ZNF566: variants seen among roughly 807,000 people sequenced by gnomAD.
ZNF566 encodes zinc finger protein 566.
ZNF566 carries 27 observed loss-of-function variants against 32.8 expected under a neutral mutation model. That is an observed-to-expected ratio of 0.82 (90% CI 0.61 to 1.14). The LOEUF is 1.14. Ranked by LOEUF, ZNF566 falls within the 50% of genes most tolerant of loss-of-function variation. The probability of loss-of-function intolerance (pLI) is 0.00; values close to 1 mark genes in which losing one functional copy is unlikely to be tolerated. For missense variants in ZNF566, 402 were observed against 490.4 expected (o/e 0.82, Z 1.70); for synonymous variants, 154 against 159.5 (o/e 0.97, Z 0.26).
At chr19:36,469,800 T>C (rs1020870911) in intron 4 of ZNF566, among the ~76,000 whole-genome samples, 2 of 152,162 alleles carry the variant, frequency 1.3e-5, no homozygotes, top group African/African-American at 4.8e-5. Flanking sequence ...AAAATCTATA[T>C]GCGTAAAGTG....
chr19:36,476,693 G>T, intron 1 of ZNF566, 77 bp from the exon 2 acceptor site: 1 of 1,231,038 alleles, frequency 8.1e-7, no homozygotes, highest in Non-Finnish European at 1.1e-6. Context: ...TTTTCCTTCT[G>T]TTCATGCTTC....
chr19:36,448,903 AATT>A lies in ZNF566; in HGVS notation c.*71_*73del. 8.1e-7 allele frequency: 1 copy of A among 1,230,526 alleles called. No individual in the cohort carries two copies. The highest frequency in any genetic ancestry group is 1.1e-6 in the Non-Finnish European group (1 of 895,608). 76.2% of individuals were successfully genotyped at this position (1,230,526 alleles called of 1,614,324 possible). On this transcript the variant is annotated 3_prime_UTR_variant, in exon 5 of 5. Coordinates refer to ENST00000452939, the MANE Select transcript of ZNF566 (RefSeq NM_001145344.1). ...GTTTCTACATTATTCTATCTAGAGG[AATT>A]ATTAACAAGATAAATTCTGTTTTGA...
At chr19:36,487,897 CAAAAA>C (rs201784748) in intron 1 of ZNF566, among the ~76,000 whole-genome samples, 1 of 75,526 alleles carries the variant, frequency 1.3e-5, no homozygotes, top group Non-Finnish European at 2.5e-5. Flanking sequence ...GACTCTGTCT[CAAAAA>C]AAAAAAAAAA....
At chr19:36,489,433 G>A (rs1241936000) in intron 1 of ZNF566, 53 bp downstream of exon 1, 3 of 299,156 alleles carry the variant, frequency 1.0e-5, no homozygotes, top group East Asian at 9.9e-5. Flanking sequence ...GCACAAAGCC[G>A]AGGCTTGGCC....
At chr19:36,476,443 G>A (rs951064083) in intron 2 of ZNF566, 106 bp downstream of exon 2, 2 of 918,332 alleles carry the variant, frequency 2.2e-6, no homozygotes, top group African/African-American at 4.4e-5. Flanking sequence ...TTTTTGAAAG[G>A]TGTTGTTTTT....
intron 1 of ZNF566, among the ~76,000 whole-genome samples, chr19:36,476,848 T>C (rs902039797): frequency 6.6e-6 from 1 of 152,156 alleles, no homozygotes; most frequent in Non-Finnish European, 1.5e-5. Context: ...TACACACACA[T>C]ACATACATAT....
At chr19:36,463,149 T>C (rs1289856083) in intron 4 of ZNF566, among the ~76,000 whole-genome samples, 2 of 150,488 alleles carry the variant, frequency 1.3e-5, no homozygotes, top group Non-Finnish European at 3.0e-5. Flanking sequence ...ACCAAAATTT[T>C]AAAAATTAGC....
At chr19:36,463,446 T>C (rs1568518413) in intron 4 of ZNF566, among the ~76,000 whole-genome samples, 1 of 150,934 alleles carries the variant, frequency 6.6e-6, no homozygotes, top group African/African-American at 2.4e-5. Flanking sequence ...CCTAAATAAA[T>C]GGAGAAAAGT....
At chr19:36,460,813 T>C (rs1479571819) in intron 4 of ZNF566, among the ~76,000 whole-genome samples, 3 of 151,952 alleles carry the variant, frequency 2.0e-5, no homozygotes, top group Non-Finnish European at 4.4e-5. Context: ...GAAAGAACTG[T>C]AAAAAAATAT....
chr19:36,455,488 T>C (rs2033277693), intron 4 of ZNF566, among the ~76,000 whole-genome samples: 1 of 152,210 alleles, frequency 6.6e-6, no homozygotes, highest in African/African-American at 2.4e-5. Context: ...CCACCTGTAA[T>C]TCCCGCACTT....
At position 36,449,873 on chromosome 19, in the gene ZNF566, C is replaced by A; in HGVS notation, c.361G>T (p.Asp121Tyr). The change falls in exon 5 of 5, where the codon GAT becomes TAT. Residue 121 changes from aspartate to tyrosine, a missense_variant. Physicochemically the swap from Asp to Tyr is radical, Grantham distance 160. Around this residue, in one of 3 missense-constraint regions of ZNF566, gnomAD observed 220 missense variants for 241.9 expected, o/e 0.91. Coordinates refer to ENST00000452939, the MANE Select transcript of ZNF566 (RefSeq NM_001145344.1). ...TTAAACTGCCGATTACATTCCCAAT[C>A]ATCTCTGAAACTGGAGCACTGAAAA... ...RDFQCSSFRD[D>Y]WECNRQFKKE... 1 of 1,614,138 alleles carries A rather than the reference C, an allele frequency of 6.2e-7. No individual in the cohort carries two copies.
In ZNF566 at chr19:36,448,817, T is replaced by C. The variant is rs145549196; in HGVS notation, c.*160A>G. ...GGGCTTCCAAAGTATATTCTATTCATAGAGTATTTCTCCAACATTATTTTT... is the reference window on the plus strand; with the variant it reads ...GGGCTTCCAAAGTATATTCTATTCACAGAGTATTTCTCCAACATTATTTTT... On this transcript the variant is annotated 3_prime_UTR_variant, in exon 5 of 5. Coordinates refer to ENST00000452939, the MANE Select transcript of ZNF566 (RefSeq NM_001145344.1). 1.9e-4 allele frequency: 116 copies of C among 623,302 alleles called. No individual in the cohort carries two copies. In the African/African-American group the frequency reaches 1.9e-3, roughly 10 times the overall value. 38.6% of individuals were successfully genotyped at this position (623,302 alleles called of 1,614,324 possible). A position where few individuals can be genotyped will look rare whatever the true frequency, so the allele number is the denominator to read the frequency against.
chr19:36,461,761 G>A (rs1397315823), intron 4 of ZNF566, among the ~76,000 whole-genome samples: 1 of 152,134 alleles, frequency 6.6e-6, no homozygotes, highest in African/African-American at 2.4e-5. Flanking sequence ...ACCATGTTGG[G>A]TACAGGCTGC....
intron 1 of ZNF566, among the ~76,000 whole-genome samples, chr19:36,488,241 G>T (rs2034219781): frequency 6.6e-6 from 1 of 152,090 alleles, no homozygotes; most frequent in African/African-American, 2.4e-5. Flanking sequence ...CAGCCACCAT[G>T]CCCGGCTAAT....
chr19:36,480,263 CAA>C (rs1399325903), intron 1 of ZNF566, among the ~76,000 whole-genome samples: 1 of 150,990 alleles, frequency 6.6e-6, no homozygotes, highest in Non-Finnish European at 1.5e-5. Context: ...TGATTTATGA[CAA>C]AGACTCCATG....
At chr19:36,455,136 G>A (rs1036111919) in intron 4 of ZNF566, among the ~76,000 whole-genome samples, 1 of 152,106 alleles carries the variant, frequency 6.6e-6, no homozygotes, top group South Asian at 2.1e-4. Context: ...GTAGATATAG[G>A]AAAGTCATCT....
chr19:36,468,203 A>T (rs896823427), intron 4 of ZNF566, among the ~76,000 whole-genome samples: 8 of 151,460 alleles, frequency 5.3e-5, no homozygotes, highest in Admixed American at 1.3e-4. Context: ...AAAAAAAAAA[A>T]AATTAAAGTT....
intron 1 of ZNF566, among the ~76,000 whole-genome samples, chr19:36,479,813 T>C (rs1048970787): frequency 4.8e-5 from 7 of 145,860 alleles, no homozygotes; most frequent in Admixed American, 4.1e-4. Context: ...TTTGGGGTTT[T>C]GTTTCTTTGT....
At chr19:36,459,434 T>G (rs778328019) in intron 4 of ZNF566, among the ~76,000 whole-genome samples, 3 of 151,478 alleles carry the variant, frequency 2.0e-5, no homozygotes, top group Non-Finnish European at 4.4e-5. Flanking sequence ...AGGCTGGTCT[T>G]GAACTCCTGA....
Sources: gnomAD v4.1 joint callset for allele counts (sites outside exome capture counted in the v4.1 genomes callset) on GRCh38, gnomAD v4.1.1 for gene constraint, gnomAD v4.1.1 regional missense constraint, MANE v1.5 for transcripts, NCBI Gene and HGNC (gene_info 2026-07-23, HGNC 2026-07-21) for gene names.